The following TNFRSF21 variants were observed in gnomAD, a reference collection of about 807,000 sequenced individuals.
The protein encoded by TNFRSF21 is tumor necrosis factor receptor superfamily member 21.
TNFRSF21 carries 19 observed loss-of-function variants against 45.6 expected under a neutral mutation model. The observed-to-expected ratio is 0.42, with a 90% CI of 0.29 to 0.61. The LOEUF (loss-of-function observed/expected upper bound fraction) is 0.61. Among genes scored for constraint, TNFRSF21 ranks in the 20% least tolerant of loss-of-function variants. The probability of loss-of-function intolerance (pLI) is 0.23; values close to 1 mark genes in which losing one functional copy is unlikely to be tolerated. For synonymous variants in TNFRSF21, 314 were observed against 335.5 expected, an observed-to-expected ratio of 0.94 and a Z score of 0.70; for missense variants, 737 against 851.5, an observed-to-expected ratio of 0.87 and a Z score of 1.67.
chr6:47,268,843 T>A (rs1417556957), intron 3 of TNFRSF21, among the ~76,000 whole-genome samples: 1 of 152,184 alleles, frequency 6.6e-6, no homozygotes, highest in Non-Finnish European at 1.5e-5. Flanking sequence ...AGGGCTATGT[T>A]CCTTCATTCC....
At chr6:47,283,740 A>G (rs1762604406) in intron 3 of TNFRSF21, among the ~76,000 whole-genome samples, 198 bp downstream of exon 3, 1 of 152,202 alleles carries the variant, frequency 6.6e-6, no homozygotes, top group African/African-American at 2.4e-5. Context: ...GAAAAGGAGG[A>G]AGAGAGATTA....
chr6:47,288,634 A>G (rs1380489073), intron 1 of TNFRSF21, among the ~76,000 whole-genome samples: 2 of 152,106 alleles, frequency 1.3e-5, no homozygotes, highest in Non-Finnish European at 2.9e-5. Flanking sequence ...CCCCAACCCC[A>G]ATGTTAAGCT....
intron 4 of TNFRSF21, among the ~76,000 whole-genome samples, chr6:47,245,426 A>G (rs570943470): frequency 7.4e-6 from 1 of 135,510 alleles, no homozygotes; most frequent in Non-Finnish European, 1.6e-5. Flanking sequence ...TACTAAGAAG[A>G]AGTGTGTGTG....
chr6:47,237,922 C>T (rs1487776654), intron 4 of TNFRSF21, among the ~76,000 whole-genome samples: 7 of 151,996 alleles, frequency 4.6e-5, no homozygotes, highest in Non-Finnish European at 8.8e-5. Flanking sequence ...TGGTGGCAGG[C>T]GCCTGTAATC....
intron 1 of TNFRSF21, among the ~76,000 whole-genome samples, chr6:47,294,573 A>T (rs1005223339): frequency 1.3e-5 from 2 of 152,302 alleles, no homozygotes; most frequent in Non-Finnish European, 2.9e-5. Flanking sequence ...ATCTCCAAAG[A>T]CCCTGAGGAC....
intron 4 of TNFRSF21, among the ~76,000 whole-genome samples, chr6:47,247,499 T>C (rs992598945): frequency 6.6e-6 from 1 of 152,226 alleles, no homozygotes. Flanking sequence ...CAACAGTTAA[T>C]GTACAGCTGG....
chr6:47,273,987 G>A (rs961082923), intron 3 of TNFRSF21, among the ~76,000 whole-genome samples: 17 of 152,134 alleles, frequency 1.1e-4, no homozygotes, highest in Admixed American at 6.5e-5. Context: ...GAAATAAGAG[G>A]ACACAAATAA....
chr6:47,275,453 A>C (rs935607293), intron 3 of TNFRSF21, among the ~76,000 whole-genome samples: 4 of 152,114 alleles, frequency 2.6e-5, no homozygotes, highest in African/African-American at 9.7e-5. Context: ...GAACTGAACA[A>C]CGAGATTACT....
rs769552260 is a variant in TNFRSF21 at position 47,253,519 on chromosome 6, T to C, written c.1246A>G (p.Ile416Val). 1 of 1,610,914 alleles carries C rather than the reference T, an allele frequency of 6.2e-7. No homozygotes were observed. The highest frequency in any genetic ancestry group is 8.5e-7 in the Non-Finnish European group (1 of 1,179,830). ...KWIYYCNGHG[I>V]DILKLVAAQV... Reference sequence around the variant, plus strand: ...GCTGCTACAAGCTTCAGGATATCGATACCTACACCAGAGAAAAAATAAAAA... The same window carrying C: ...GCTGCTACAAGCTTCAGGATATCGACACCTACACCAGAGAAAAAATAAAAA... Residue 416 changes from isoleucine to valine, a missense_variant and splice_region_variant, in exon 4 of 6, where the codon ATC (isoleucine) becomes GTC (valine). Coordinates refer to ENST00000296861, the MANE Select transcript of TNFRSF21 (RefSeq NM_014452.5).
intron 3 of TNFRSF21, among the ~76,000 whole-genome samples, chr6:47,276,054 A>C (rs1561946757): frequency 1.3e-5 from 2 of 152,158 alleles, no homozygotes. Context: ...TGATTTTACA[A>C]AGAAAGATGA....
At chr6:47,249,756 T>C (rs894996532) in intron 4 of TNFRSF21, among the ~76,000 whole-genome samples, 7 of 152,210 alleles carry the variant, frequency 4.6e-5, no homozygotes, top group Admixed American at 2.0e-4. Context: ...GGTTGTAGTA[T>C]CTGTAAAATG....
chr6:47,234,578 G>A, intron 5 of TNFRSF21, 92 bp downstream of exon 5: 6 of 1,037,772 alleles, frequency 5.8e-6, no homozygotes, highest in Non-Finnish European at 8.6e-6. Flanking sequence ...TCAACTCTCA[G>A]CTACAACTGG....
intron 1 of TNFRSF21, among the ~76,000 whole-genome samples, chr6:47,294,006 G>C (rs1762763536): frequency 6.6e-6 from 1 of 152,170 alleles, no homozygotes; most frequent in South Asian, 2.1e-4. Context: ...TGCCCTCAAG[G>C]ACCCAACTCA....
Position 47,234,698 on chromosome 6 carries a change from C to G in TNFRSF21, c.1710G>C (p.Leu570=). 5 of 1,610,900 alleles carry G rather than the reference C, an allele frequency of 3.1e-6. No homozygotes were observed. The highest frequency in any genetic ancestry group is 4.2e-6 in the Non-Finnish European group (5 of 1,178,636). ...CDSTSSGSSA[L]SRNGSFITKE... is the part of the protein sequence containing the mutation. Reference sequence around the variant, plus strand: ...TGGTAATAAAGGAACCGTTCCTGCTCAGCGCGGAGGAGCCGCTGGATGTAG... The same window carrying G: ...TGGTAATAAAGGAACCGTTCCTGCTGAGCGCGGAGGAGCCGCTGGATGTAG... The change falls in exon 5 of 6, where the codon CTG becomes CTC. Residue 570 remains leucine, a synonymous_variant. Transcript: ENST00000296861.
chr6:47,295,342 C>CT (rs1235016375), intron 1 of TNFRSF21, among the ~76,000 whole-genome samples: 2 of 152,186 alleles, frequency 1.3e-5, no homozygotes, highest in Non-Finnish European at 2.9e-5. Context: ...TTCTTGTTCC[C>CT]TATCAAATTC....
intron 4 of TNFRSF21, among the ~76,000 whole-genome samples, chr6:47,250,719 T>G (rs1366843978): frequency 1.3e-5 from 2 of 152,254 alleles, no homozygotes; most frequent in African/African-American, 4.8e-5. Context: ...CATCACAGGA[T>G]GAGAATAAGG....
At chr6:47,299,929 T>C (rs1052905634) in intron 1 of TNFRSF21, among the ~76,000 whole-genome samples, 1 of 152,210 alleles carries the variant, frequency 6.6e-6, no homozygotes, top group Admixed American at 6.5e-5. Context: ...CATAAAACTG[T>C]TCATTTATTT....
At chr6:47,238,502 C>T (rs2113843459) in intron 4 of TNFRSF21, among the ~76,000 whole-genome samples, 1 of 152,244 alleles carries the variant, frequency 6.6e-6, no homozygotes, top group Non-Finnish European at 1.5e-5. Context: ...CCAAAGCAGC[C>T]CAAAAGAGAA....
intron 4 of TNFRSF21, among the ~76,000 whole-genome samples, 178 bp downstream of exon 4, chr6:47,253,078 T>A (rs1582323396): frequency 6.6e-6 from 1 of 151,966 alleles, no homozygotes; most frequent in Non-Finnish European, 1.5e-5. Context: ...AGACGGCCAC[T>A]GAGAACCCCC....
Sources: allele counts gnomAD v4.1 joint callset (sites outside exome capture counted in the v4.1 genomes callset), GRCh38; gene constraint gnomAD v4.1.1; transcripts MANE v1.5; gene names NCBI Gene and HGNC (gene_info 2026-07-23, HGNC 2026-07-21).